DOCK6: variants seen among roughly 807,000 people sequenced by gnomAD.
DOCK6 encodes dedicator of cytokinesis 6, also known as dedicator of cytokinesis protein 6.
A neutral mutation model predicts 230.3 loss-of-function variants in DOCK6; 167 were observed. That is an observed-to-expected ratio of 0.73 (90% CI 0.64 to 0.82). The LOEUF (loss-of-function observed/expected upper bound fraction) is 0.82, where lower values mean the gene tolerates loss of function less well. Among genes scored for constraint, DOCK6 ranks in the 40% least tolerant of loss-of-function variants. DOCK6 has a pLI of 0.00. For missense variants in DOCK6, 2,598 were observed against 2,825.8 expected, an observed-to-expected ratio of 0.92 and a Z score of 1.83; for synonymous variants, 1,148 against 1,185.0, an observed-to-expected ratio of 0.97 and a Z score of 0.64.
intron 41 of DOCK6, 49 bp downstream of exon 41, chr19:11,204,032 C>G (rs1299951143): frequency 6.5e-7 from 1 of 1,549,118 alleles, no homozygotes; most frequent in Non-Finnish European, 8.7e-7. Context: ...GCTGGCCAGT[C>G]ATCACGGGGG....
intron 5 of DOCK6, 78 bp downstream of exon 5, chr19:11,252,041 C>T (rs1249321367): frequency 6.5e-7 from 1 of 1,549,570 alleles, no homozygotes; most frequent in Admixed American, 2.0e-5. Flanking sequence ...GGGTCATTTC[C>T]TGTCACATGT....
At chr19:11,245,276 G>GC (rs1479890574) in intron 9 of DOCK6, among the ~76,000 whole-genome samples, 12 of 152,158 alleles carry the variant, frequency 7.9e-5, no homozygotes, top group Non-Finnish European at 1.8e-4. Flanking sequence ...CTTCCCAACA[G>GC]CATCTCACCC....
At position 11,201,090 on chromosome 19, in the gene DOCK6, C is replaced by G; in HGVS notation, c.5689-38G>C. 1 of 1,608,670 alleles carries G rather than the reference C, an allele frequency of 6.2e-7. No individual in the cohort carries two copies. The highest frequency in any genetic ancestry group is 1.1e-5 in the South Asian group (1 of 90,424). Reference sequence around the variant, plus strand: ...GGGAGGGGTGTGTACTCGCTGGGGCCTGAGGAGGTCCTGATCGAAGCCAGT... The same window carrying G: ...GGGAGGGGTGTGTACTCGCTGGGGCGTGAGGAGGTCCTGATCGAAGCCAGT... On this transcript the variant is annotated intron_variant, in intron 44 of 47. Transcript: ENST00000294618. This position sits in a 1 kb window ranked among gnomAD's most constrained non-coding sequence, Gnocchi z 4.3.
At chr19:11,249,045 T>C (rs578206999) in intron 6 of DOCK6, among the ~76,000 whole-genome samples, 15 of 152,160 alleles carry the variant, frequency 9.9e-5, no homozygotes, top group African/African-American at 3.6e-4. Flanking sequence ...CACAGGAGTA[T>C]ATACTAGGTA....
chr19:11,199,369 G>A lies in DOCK6; in HGVS notation c.*128C>T, dbSNP rs1339558798. 8.7e-7 allele frequency: 1 copy of A among 1,149,966 alleles called. No individual in the cohort carries two copies. Among genetic ancestry groups the A allele is most frequent in the Non-Finnish European group, 1.3e-6 (1 of 788,326 alleles). The allele number at this position is 1,149,966 out of a possible 1,614,324, so 71.2% of individuals were successfully genotyped here. A position where few individuals can be genotyped will look rare whatever the true frequency, so the allele number is the denominator to read the frequency against. ...ACACAGATGGGGACACAGGGGCAGA[G>A]GGCCCAGCCCCAAGTACAGTGTGGT... On this transcript the variant is annotated 3_prime_UTR_variant, in exon 48 of 48. Transcript: ENST00000294618.
At chr19:11,215,339 G>A (rs751846334) in intron 32 of DOCK6, 48 bp downstream of exon 32, 19 of 1,548,244 alleles carry the variant, frequency 1.2e-5, no homozygotes, top group South Asian at 4.5e-5. Context: ...CTCCTGCCTC[G>A]GCCCAAACTG....
At position 11,248,416 on chromosome 19, in the gene DOCK6, A is replaced by AT. The variant is rs538496196; in HGVS notation, c.721-266dup. Among the ~76,000 whole-genome samples the AT allele has an allele frequency of 5.1e-3, 743 of 145,808 alleles. 5 individuals carry two copies. Among genetic ancestry groups the AT allele is most frequent in the African/African-American group, 0.017 (683 of 39,978 alleles). On this transcript the variant is annotated intron_variant, in intron 6 of 47. Coordinates refer to ENST00000294618, the MANE Select transcript of DOCK6 (RefSeq NM_020812.4). The stretch of plus-strand genomic sequence containing the variant: ...AGTAGGTGTCCATATATAGAAGCTT[A>AT]TTTTTTTTTTTTGAGATGGAGTCTC...
chr19:11,234,813 G>A (rs2079821716), intron 21 of DOCK6, among the ~76,000 whole-genome samples: 1 of 152,174 alleles, frequency 6.6e-6, no homozygotes, highest in East Asian at 1.9e-4. Context: ...CACACCCCAG[G>A]GATGGGGCAA....
chr19:11,248,744 T>C (rs182457592), intron 6 of DOCK6, among the ~76,000 whole-genome samples: 18 of 152,212 alleles, frequency 1.2e-4, no homozygotes, highest in Non-Finnish European at 1.6e-4. Context: ...AGTAGAGAGG[T>C]CTCTCCTCCG....
At chr19:11,239,988 C>A in intron 14 of DOCK6, 1 of 1,551,790 alleles carries the variant, frequency 6.4e-7, no homozygotes, top group South Asian at 1.2e-5. Context: ...AAGAGGAGTT[C>A]GTGTCTAGGG....
chr19:11,236,813 C>A lies in DOCK6; in HGVS notation c.2140G>T (p.Val714Leu), dbSNP rs549146148. ...KGVFSVELTA[V>L]SSVHPQDPYL... ...CGTACCTGGGGGTGCACAGAGGACACGGCTGTGAGCTCCACACTGAACACG... is the reference window on the plus strand; with the variant it reads ...CGTACCTGGGGGTGCACAGAGGACAAGGCTGTGAGCTCCACACTGAACACG... The change falls in exon 19 of 48, where the codon GTG becomes TTG. Residue 714 changes from valine to leucine, a missense_variant. Coordinates refer to ENST00000294618, the MANE Select transcript of DOCK6 (RefSeq NM_020812.4). The surrounding 1 kb of genome is among the most constrained non-coding windows in gnomAD (Gnocchi z 5.2). The A allele has an allele frequency of 1.3e-5, 20 of 1,554,026 alleles. 1 individual carries two copies. The South Asian group carries it at 2.3e-4, about 18-fold the overall frequency.
In DOCK6 at chr19:11,236,365, C is replaced by T. The variant is rs373234884; in HGVS notation, c.2373G>A (p.Pro791=). ...GCTTACCAATCTGGCCACTGATGATCGGGGGCCTGATGACCAGACGCACGA... is the reference window on the plus strand; with the variant it reads ...GCTTACCAATCTGGCCACTGATGATTGGGGGCCTGATGACCAGACGCACGA... ...DKLVRLVIRP[P]IISGQIVNLG... The change falls in exon 20 of 48, where the codon CCG becomes CCA. Residue 791 remains proline, a synonymous_variant. Coordinates refer to ENST00000294618, the MANE Select transcript of DOCK6 (RefSeq NM_020812.4). This position sits in a 1 kb window ranked among gnomAD's most constrained non-coding sequence, Gnocchi z 5.2. 64 of 1,565,108 alleles carry T rather than the reference C, an allele frequency of 4.1e-5. No individual in the cohort carries two copies. The highest frequency in any genetic ancestry group is 1.7e-4 in the Middle Eastern group (1 of 5,958).
chr19:11,248,162 T>A lies in DOCK6; in HGVS notation c.721-11A>T. On this transcript the variant is annotated splice_polypyrimidine_tract_variant and intron_variant, in intron 6 of 47. Transcript: ENST00000294618. ...TTCCACGGCTTCATCCTGCCAAGAG[T>A]GGGGGGTGGGAGCTGGGCGGGAGGA... 1.7e-6 allele frequency: 2 copies of A among 1,155,118 alleles called. No individual in the cohort carries two copies. The highest frequency in any genetic ancestry group is 2.5e-6 in the Non-Finnish European group (2 of 806,136). The allele number at this position is 1,155,118 out of a possible 1,614,324, so 71.6% of individuals were successfully genotyped here.
chr19:11,254,682 GAAAA>G (rs974460402), intron 1 of DOCK6, among the ~76,000 whole-genome samples: 1 of 135,258 alleles, frequency 7.4e-6, no homozygotes. Context: ...ACTTTGTCTC[GAAAA>G]AAAAAAAAAA....
intron 1 of DOCK6, among the ~76,000 whole-genome samples, chr19:11,261,533 G>C (rs544537797): frequency 6.8e-4 from 103 of 152,288 alleles, no homozygotes; most frequent in African/African-American, 2.3e-3. Flanking sequence ...CAGGTCCCCC[G>C]GGGAGAGGAT....
At chr19:11,235,541 G>A (rs1478436707) in intron 21 of DOCK6, 57 bp downstream of exon 21, 26 of 1,481,396 alleles carry the variant, frequency 1.8e-5, no homozygotes, top group South Asian at 1.7e-4. Flanking sequence ...GTGAGCCACC[G>A]CACCCAGCCT....
chr19:11,237,200 C>G (rs545957117), intron 18 of DOCK6: 1 of 592,868 alleles, frequency 1.7e-6, no homozygotes, highest in Non-Finnish European at 3.0e-6. Context: ...TAAGGTACTA[C>G]GAGGGCAGGG....
At chr19:11,223,462 T>C (rs1305668936) in intron 24 of DOCK6, among the ~76,000 whole-genome samples, 1 of 152,100 alleles carries the variant, frequency 6.6e-6, no homozygotes, top group Non-Finnish European at 1.5e-5. Context: ...GCCACTTATA[T>C]GGCAGAAGCA....
In DOCK6 at chr19:11,208,849, G is replaced by T; in HGVS notation, c.4945-20C>A. 6.2e-7 allele frequency: 1 copy of T among 1,607,962 alleles called. No homozygotes were observed. The highest frequency in any genetic ancestry group is 8.5e-7 in the Non-Finnish European group (1 of 1,175,048). On this transcript the variant is annotated intron_variant, in intron 38 of 47. Coordinates refer to ENST00000294618, the MANE Select transcript of DOCK6 (RefSeq NM_020812.4). ...GATGTTCTGGGGTGGGAGAGGTGGC[G>T]TCAGACCCTGGTCCCCACTGCACTC...
Sources: gnomAD v4.1 joint callset for allele counts (sites outside exome capture counted in the v4.1 genomes callset) on GRCh38, gnomAD v4.1.1 for gene constraint, Gnocchi (gnomAD v3.1) non-coding constraint, MANE v1.5 for transcripts, NCBI Gene and HGNC (gene_info 2026-07-23, HGNC 2026-07-21) for gene names.